Variants in HEATR5A observed in about 807,000 individuals in gnomAD.
HEATR5A encodes HEAT repeat containing 5A.
In HEATR5A, 178 loss-of-function variants were observed where a neutral mutation model predicts 218.8. The observed-to-expected ratio is 0.81, with a 90% CI of 0.72 to 0.92. The LOEUF (loss-of-function observed/expected upper bound fraction) is 0.92. Among genes scored for constraint, HEATR5A ranks in the 40% least tolerant of loss-of-function variants. The probability of loss-of-function intolerance (pLI) is 0.00; values close to 1 mark genes in which losing one functional copy is unlikely to be tolerated. For synonymous variants in HEATR5A, 864 were observed against 871.6 expected (o/e 0.99, Z 0.15); for missense variants, 2,420 against 2,418.9 (o/e 1.00, Z -0.01).
chr14:31,404,304 T>G (rs1370865201), intron 1 of HEATR5A, among the ~76,000 whole-genome samples: 7 of 152,212 alleles, frequency 4.6e-5, no homozygotes, highest in Admixed American at 1.3e-4. Context: ...CTAATTTAAC[T>G]AAAATATTTA....
rs767441708 is a variant in HEATR5A at position 31,378,794 on chromosome 14, A to C, written c.1708+1673T>G. ...CAAAGTGAGACTCCACCTCAAAAAA[A>C]AACAAACAAAAAAAAAAAACACTAC... is the stretch of plus-strand genomic sequence containing the variant. On this transcript the variant is annotated intron_variant, in intron 11 of 35. Transcript: ENST00000543095. Among the ~76,000 whole-genome samples, 181 of 140,220 alleles carry C rather than the reference A, an allele frequency of 1.3e-3. 2 individuals carry two copies. The highest frequency in any genetic ancestry group is 7.1e-3 in the Middle Eastern group (2 of 280). The allele number at this position is 140,220 out of a possible 152,430, so 92.0% of individuals were successfully genotyped here.
chr14:31,323,295 G>A (rs945201592), intron 24 of HEATR5A, among the ~76,000 whole-genome samples: 1 of 152,000 alleles, frequency 6.6e-6, no homozygotes, highest in South Asian at 2.1e-4. Context: ...CCAGTAGCTG[G>A]AACTATAGGT....
At chr14:31,342,291 A>AG (rs1215390855) in intron 21 of HEATR5A, among the ~76,000 whole-genome samples, 3 of 152,074 alleles carry the variant, frequency 2.0e-5, no homozygotes, top group African/African-American at 4.8e-5. Flanking sequence ...CGGAGGCTGA[A>AG]GGGGGAGGAT....
Position 31,395,368 on chromosome 14 carries a change from T to A in HEATR5A, c.448-20A>T, listed in dbSNP as rs1432487570. On this transcript the variant is annotated intron_variant, in intron 4 of 35. Transcript: ENST00000543095. ...TTGAGACTTCCAAAAAGAAAAAAAA[T>A]TAAATAGGAAAAATAATTAAACTGC... is the stretch of plus-strand genomic sequence containing the variant. 16 of 1,373,950 alleles carry A rather than the reference T, an allele frequency of 1.2e-5. No individual in the cohort carries two copies. The East Asian group carries it at 3.8e-4, about 32-fold the overall frequency. The allele number at this position is 1,373,950 out of a possible 1,614,324, so 85.1% of individuals were successfully genotyped here.
At chr14:31,372,495 A>G (rs985368835) in intron 12 of HEATR5A, among the ~76,000 whole-genome samples, 1 of 152,080 alleles carries the variant, frequency 6.6e-6, no homozygotes, top group African/African-American at 2.4e-5. Context: ...ATAACTTTCT[A>G]TAATGAATTA....
rs117859241 is a variant in HEATR5A at position 31,321,260 on chromosome 14, G to C, written c.3969+239C>G. On this transcript the variant is annotated intron_variant, in intron 25 of 35. Coordinates refer to ENST00000543095, the MANE Select transcript of HEATR5A (RefSeq NM_015473.4). Reference sequence around the variant, plus strand: ...TGCAACCTCCGTCTCCCAGGCTCAAGTGATTCTCCCACCTCAGCCTGAGAC... The same window carrying C: ...TGCAACCTCCGTCTCCCAGGCTCAACTGATTCTCCCACCTCAGCCTGAGAC... 7.5e-4 allele frequency among the ~76,000 whole-genome samples: 114 copies of C among 152,148 alleles called. 3 individuals carry two copies. In the East Asian group the frequency reaches 0.021, roughly 28 times the overall value.
chr14:31,358,833 A>G lies in HEATR5A; in HGVS notation c.2236-21T>C, dbSNP rs529633924. On this transcript the variant is annotated intron_variant, in intron 15 of 35. Transcript: ENST00000543095. Reference sequence around the variant, plus strand: ...AGGAGCTAAAAGGGAAAAAAAGTATATAAGGTTTTAAAATCACTGATCACA... The same window carrying G: ...AGGAGCTAAAAGGGAAAAAAAGTATGTAAGGTTTTAAAATCACTGATCACA... The G allele has an allele frequency of 2.9e-5, 46 of 1,611,644 alleles. No homozygotes were observed. The South Asian group carries it at 4.0e-4, about 14-fold the overall frequency.
At chr14:31,336,213 CATACATAT>C (rs57418946) in intron 22 of HEATR5A, among the ~76,000 whole-genome samples, 2,991 of 90,604 alleles carry the variant, frequency 0.033, 180 homozygotes, top group Middle Eastern at 0.066. Flanking sequence ...TATATACATA[CATACATAT>C]ATATATATAT....
At chr14:31,371,975 T>C in intron 12 of HEATR5A, 66 bp from the exon 13 acceptor site, 3 of 691,022 alleles carry the variant, frequency 4.3e-6, no homozygotes, top group East Asian at 2.9e-5. Context: ...CATTTGATTA[T>C]GGTACAACAT....
intron 22 of HEATR5A, 118 bp from the exon 23 acceptor site, chr14:31,326,460 C>A: frequency 1.4e-6 from 1 of 729,072 alleles, no homozygotes; most frequent in Non-Finnish European, 2.3e-6. Flanking sequence ...AAGAACTAGC[C>A]CAAATACTGT....
rs1178102681 is a variant in HEATR5A at position 31,349,747 on chromosome 14, T to C, written c.2708+42A>G. 3 of 1,400,648 alleles carry C rather than the reference T, an allele frequency of 2.1e-6. No individual in the cohort carries two copies. The South Asian group carries it at 3.6e-5, about 17-fold the overall frequency. 86.8% of individuals were successfully genotyped at this position (1,400,648 alleles called of 1,614,324 possible). ...ACAAGCCAGAAAGCTATACCCAGTT[T>C]TGAAACATAGCCTCTGAATATTAAA... On this transcript the variant is annotated intron_variant, in intron 18 of 35. Coordinates refer to ENST00000543095, the MANE Select transcript of HEATR5A (RefSeq NM_015473.4).
At chr14:31,305,263 C>T (rs925399831) in intron 31 of HEATR5A, 86 bp from the exon 32 acceptor site, 1 of 1,388,570 alleles carries the variant, frequency 7.2e-7, no homozygotes, top group African/African-American at 1.5e-5. Flanking sequence ...ACAGGAAATA[C>T]ATGTATTTTA....
chr14:31,364,257 GT>G lies in HEATR5A; in HGVS notation c.2002del (p.Thr668HisfsTer14). 6.4e-7 allele frequency: 1 copy of G among 1,551,232 alleles called. No individual in the cohort carries two copies. The highest frequency in any genetic ancestry group is 8.7e-7 in the Non-Finnish European group (1 of 1,144,166). ...TCTTTGTCTATAAACCACTGACGGT[GT>G]TTTCAAAGGACTTCCATACATTTTT... The part of the protein sequence containing the change: ...ILKMYGSPLK[T>X]PSVVYRQRLY... On this transcript the variant is annotated frameshift_variant, in exon 14 of 36. Coordinates refer to ENST00000543095, the MANE Select transcript of HEATR5A (RefSeq NM_015473.4). LOFTEE classifies it high-confidence loss of function.
chr14:31,417,171 C>T (rs930553090), intron 1 of HEATR5A, among the ~76,000 whole-genome samples: 1 of 152,086 alleles, frequency 6.6e-6, no homozygotes, highest in African/African-American at 2.4e-5. Flanking sequence ...GAGAAGTTTA[C>T]TAAACGAAAA....
rs765717096 is a variant in HEATR5A, at chr14:31,293,548, C to T, written c.5898G>A (p.Leu1966=). 1.2e-5 allele frequency: 19 copies of T among 1,613,518 alleles called. No homozygotes were observed. Among genetic ancestry groups the T allele is most frequent in the Non-Finnish European group, 1.0e-5 (12 of 1,179,806 alleles). Residue 1966 remains leucine, a synonymous_variant, in exon 36 of 36, where the codon CTG becomes CTA. Transcript: ENST00000543095. ...TTCTCATTATGGAAGTTGCTGATCC[C>T]AGAGAATTTTCATCCAAAAGGAAGG... ...LISFLLDENS[L]GSATSIMRNL... is the part of the protein sequence containing the mutation.
At chr14:31,410,472 T>C (rs2139321848) in intron 1 of HEATR5A, among the ~76,000 whole-genome samples, 1 of 152,334 alleles carries the variant, frequency 6.6e-6, no homozygotes, top group South Asian at 2.1e-4. Flanking sequence ...AATTATACGT[T>C]ACAAAAACAG....
At chr14:31,368,508 A>G (rs1283118935) in intron 13 of HEATR5A, among the ~76,000 whole-genome samples, 1 of 152,170 alleles carries the variant, frequency 6.6e-6, no homozygotes, top group Non-Finnish European at 1.5e-5. Context: ...AGAGAAATAT[A>G]AGAAAATATA....
At chr14:31,416,187 G>A (rs551328458) in intron 1 of HEATR5A, among the ~76,000 whole-genome samples, 40 of 151,952 alleles carry the variant, frequency 2.6e-4, no homozygotes, top group African/African-American at 3.6e-4. Context: ...GTACGATCTC[G>A]GCTCACTGCA....
chr14:31,417,526 A>T (rs968606562), intron 1 of HEATR5A, among the ~76,000 whole-genome samples: 6 of 152,106 alleles, frequency 3.9e-5, no homozygotes, highest in Non-Finnish European at 1.5e-5. Flanking sequence ...CGGAGCTTGC[A>T]GCAGCCCAGA....
Sources: allele counts gnomAD v4.1 joint callset (sites outside exome capture counted in the v4.1 genomes callset), GRCh38; gene constraint gnomAD v4.1.1; transcripts MANE v1.5; gene names NCBI Gene and HGNC (gene_info 2026-07-23, HGNC 2026-07-21).